The following USP24 variants were observed in gnomAD, a reference collection of about 807,000 sequenced individuals.
USP24 encodes the protein ubiquitin specific peptidase 24, also known as ubiquitin carboxyl-terminal hydrolase 24.
Under a neutral mutation model 361.6 loss-of-function variants are expected in USP24, and 97 were observed. The ratio of observed to expected loss-of-function variants is 0.27; its 90% CI spans 0.23 to 0.32. The LOEUF is 0.32. Ranked by LOEUF, USP24 falls within the 10% of genes least tolerant of loss-of-function variation. USP24 has a pLI of 1.00. For missense variants in USP24, 2,353 were observed against 3,165.6 expected (o/e 0.74, Z 6.16); for synonymous variants, 1,098 against 1,124.6 (o/e 0.98, Z 0.47).
Position 55,106,167 on chromosome 1 carries a change from C to G in USP24, c.4859G>C (p.Ser1620Thr). 6.2e-7 allele frequency: 1 copy of G among 1,613,728 alleles called. No homozygotes were observed. The change falls in exon 41 of 68, where the codon AGT (serine) becomes ACT (threonine). Residue 1620 changes from serine to threonine, a missense_variant. Coordinates refer to ENST00000294383, the MANE Select transcript of USP24 (RefSeq NM_015306.3). ...ATACTTTGGATGAAAGTCCTGTTGA[C>G]TGATGGCGGCACTGCCAGCTGGAGA... ...SHSPAGSAAI[S>T]QQDFHPKCST...
intron 42 of USP24, 77 bp from the exon 43 acceptor site, chr1:55,101,780 T>C: frequency 6.9e-7 from 1 of 1,441,088 alleles, no homozygotes; most frequent in Non-Finnish European, 9.2e-7. Flanking sequence ...ACTATAGCTA[T>C]GCGGGAGATA....
chr1:55,135,753 A>G (rs984896315), intron 28 of USP24, among the ~76,000 whole-genome samples: 1 of 152,146 alleles, frequency 6.6e-6, no homozygotes, highest in Non-Finnish European at 1.5e-5. Flanking sequence ...ATAGGGGGAA[A>G]TATATATAAT....
At chr1:55,144,548 T>A (rs191867128) in intron 20 of USP24, among the ~76,000 whole-genome samples, 18 of 152,280 alleles carry the variant, frequency 1.2e-4, no homozygotes, top group Admixed American at 5.2e-4. Flanking sequence ...GCAAAAGATT[T>A]TAAGATTTCT....
chr1:55,108,788 C>A (rs1327846419), intron 39 of USP24, among the ~76,000 whole-genome samples: 1 of 152,182 alleles, frequency 6.6e-6, no homozygotes, highest in Non-Finnish European at 1.5e-5. Flanking sequence ...GAAAGCAAAG[C>A]CTGTATGGCT....
At chr1:55,148,742 C>A (rs1647109790) in intron 16 of USP24, among the ~76,000 whole-genome samples, 172 bp from the exon 17 acceptor site, 1 of 152,194 alleles carries the variant, frequency 6.6e-6, no homozygotes, top group Admixed American at 6.5e-5. Context: ...CAGTCTTCAA[C>A]TTCTTATTCT....
intron 59 of USP24, 134 bp from the exon 60 acceptor site, chr1:55,079,793 T>TGAGTACTCTCACAGAGTACTCACACG: frequency 9.5e-7 from 1 of 1,051,220 alleles, no homozygotes; most frequent in Non-Finnish European, 1.3e-6. Context: ...ACTCACACAC[T>TGAGTACTCTCACAGAGTACTCACACG]GAGTACTCAC....
intron 7 of USP24, among the ~76,000 whole-genome samples, chr1:55,163,447 C>A (rs1648503134): frequency 6.6e-6 from 1 of 151,744 alleles, no homozygotes; most frequent in Non-Finnish European, 1.5e-5. Flanking sequence ...CCAAAGAGAC[C>A]TAAATAAACT....
chr1:55,156,833 C>T, intron 12 of USP24, 115 bp downstream of exon 12: 1 of 699,074 alleles, frequency 1.4e-6, no homozygotes, highest in Non-Finnish European at 2.5e-6. Flanking sequence ...TTAGGTACAG[C>T]TGCTCTGTTT....
chr1:55,088,027 G>T (rs1398787709), intron 55 of USP24, among the ~76,000 whole-genome samples: 2 of 152,180 alleles, frequency 1.3e-5, no homozygotes, highest in African/African-American at 4.8e-5. Context: ...AAGCCTGGAA[G>T]GACAAAAACC....
intron 23 of USP24, among the ~76,000 whole-genome samples, 177 bp from the exon 24 acceptor site, chr1:55,141,908 A>G (rs1467281751): frequency 6.6e-6 from 1 of 152,184 alleles, no homozygotes. Context: ...CTAGTTGGAC[A>G]ACCAAAAATG....
intron 38 of USP24, among the ~76,000 whole-genome samples, chr1:55,119,975 A>C (rs1646231788): frequency 1.3e-5 from 2 of 152,222 alleles, no homozygotes; most frequent in Admixed American, 6.5e-5. Context: ...TCTCCATGAC[A>C]CTTTATAAGC....
Position 55,154,163 on chromosome 1 carries a change from T to C in USP24, c.1768A>G (p.Ile590Val), listed in dbSNP as rs1647381812. The change falls in exon 15 of 68, where the codon ATC becomes GTC. Residue 590 changes from isoleucine to valine, a missense_variant. Physicochemically the swap from Ile to Val is conservative, Grantham distance 29. Coordinates refer to ENST00000294383, the MANE Select transcript of USP24 (RefSeq NM_015306.3). ...CACTTGATGATGTAGCTCCTCTTGATTGCTTCTTTCACTGCATATGCATCA... is the reference window on the plus strand; with the variant it reads ...CACTTGATGATGTAGCTCCTCTTGACTGCTTCTTTCACTGCATATGCATCA... ...LSDAYAVKEAIKRSYIIKCIE... is the reference protein window; with the variant it reads ...LSDAYAVKEAVKRSYIIKCIE... The C allele has an allele frequency of 1.9e-6, 3 of 1,613,662 alleles. No individual in the cohort carries two copies. The highest frequency in any genetic ancestry group is 2.5e-6 in the Non-Finnish European group (3 of 1,179,712).
chr1:55,200,657 C>G (rs945503224), intron 1 of USP24, among the ~76,000 whole-genome samples: 1 of 152,118 alleles, frequency 6.6e-6, no homozygotes, highest in African/African-American at 2.4e-5. Flanking sequence ...ATAAATGTGA[C>G]AATCTGAAAC....
At position 55,129,460 on chromosome 1, in the gene USP24, T is replaced by C. The variant is rs780406994; in HGVS notation, c.3635+17A>G. 19 of 1,609,780 alleles carry C rather than the reference T, an allele frequency of 1.2e-5. No homozygotes were observed. The South Asian group carries it at 1.9e-4, about 16-fold the overall frequency. On this transcript the variant is annotated intron_variant, in intron 32 of 67. Coordinates refer to ENST00000294383, the MANE Select transcript of USP24 (RefSeq NM_015306.3). Reference sequence around the variant, plus strand: ...TCATTTTCGGCAACTCATGTAACATTACATTGAAACTCTAACCTCAAACCG... The same window carrying C: ...TCATTTTCGGCAACTCATGTAACATCACATTGAAACTCTAACCTCAAACCG...
intron 8 of USP24, among the ~76,000 whole-genome samples, chr1:55,161,140 G>A (rs1191686896): frequency 2.6e-5 from 4 of 152,020 alleles, no homozygotes; most frequent in South Asian, 2.1e-4. Flanking sequence ...TTGGGAGGCC[G>A]AGGTGGGTGG....
intron 7 of USP24, among the ~76,000 whole-genome samples, chr1:55,165,422 T>G (rs990036262): frequency 2.8e-4 from 42 of 152,222 alleles, no homozygotes; most frequent in African/African-American, 7.5e-4. Context: ...CTGATGATTC[T>G]AAGCTCCCAT....
At chr1:55,152,582 G>C (rs1647242197) in intron 16 of USP24, among the ~76,000 whole-genome samples, 1 of 152,122 alleles carries the variant, frequency 6.6e-6, no homozygotes, top group African/African-American at 2.4e-5. Context: ...TCAGTAACTG[G>C]ATGAATTTTA....
intron 5 of USP24, 139 bp downstream of exon 5, chr1:55,171,417 A>C: frequency 1.8e-6 from 2 of 1,098,778 alleles, no homozygotes. Context: ...AAATGTAGGC[A>C]ATTTTATGAG....
intron 1 of USP24, among the ~76,000 whole-genome samples, chr1:55,186,204 T>C (rs904001906): frequency 1.3e-5 from 2 of 152,216 alleles, no homozygotes; most frequent in African/African-American, 4.8e-5. Flanking sequence ...GAGGCAAGTA[T>C]TACCCTGATA....
Sources: gnomAD v4.1 joint callset for allele counts (sites outside exome capture counted in the v4.1 genomes callset) on GRCh38, gnomAD v4.1.1 for gene constraint, MANE v1.5 for transcripts, NCBI Gene and HGNC (gene_info 2026-07-23, HGNC 2026-07-21) for gene names.